The following TRMT11 variants were observed in gnomAD, a reference collection of about 807,000 sequenced individuals.
TRMT11 encodes tRNA methyltransferase 11.
In TRMT11, 53 loss-of-function variants were observed where a neutral mutation model predicts 62.8. That is an observed-to-expected ratio of 0.84 (90% CI 0.68 to 1.06). The LOEUF is 1.06. Among genes scored for constraint, TRMT11 ranks in the 50% least tolerant of loss-of-function variants. The probability of loss-of-function intolerance (pLI) is 0.00; values close to 1 mark genes in which losing one functional copy is unlikely to be tolerated. For missense variants in TRMT11, 556 were observed against 553.4 expected (o/e 1.00, Z -0.05); for synonymous variants, 188 against 190.3 (o/e 0.99, Z 0.10).
chr6:126,026,677 G>C (rs963336266), intron 12 of TRMT11, among the ~76,000 whole-genome samples: 1 of 151,990 alleles, frequency 6.6e-6, no homozygotes, highest in Admixed American at 6.5e-5. Context: ...GAGCCATCGC[G>C]CCCGGCTCTA....
At chr6:126,256,884 G>T in the TRMT11 span, among the ~76,000 whole-genome samples, 2 of 151,494 alleles carry the variant, frequency 1.3e-5, no homozygotes, top group South Asian at 2.1e-4. Flanking sequence ...TTGTTTGTTT[G>T]TTGTTGTTGT....
chr6:126,048,731 C>T (rs1776129945), intron 16 of TRMT11, among the ~76,000 whole-genome samples: 1 of 152,116 alleles, frequency 6.6e-6, no homozygotes, highest in African/African-American at 2.4e-5. Flanking sequence ...TGACTCCTGC[C>T]AAAAGTCGAC....
chr6:126,106,209 T>A (rs2128183386), intron 17 of TRMT11, among the ~76,000 whole-genome samples: 1 of 152,114 alleles, frequency 6.6e-6, no homozygotes, highest in East Asian at 1.9e-4. Context: ...AGTGGTATGA[T>A]CTCAGCTCAC....
chr6:126,206,041 T>C (rs72977833), downstream of TRMT11, among the ~76,000 whole-genome samples: 296 of 152,338 alleles, frequency 1.9e-3, no homozygotes, highest in Non-Finnish European at 3.1e-3. Flanking sequence ...AGGAATGTCC[T>C]CATACTGTCT....
At chr6:126,114,380 G>T (rs1777564988) in intron 18 of TRMT11, among the ~76,000 whole-genome samples, 1 of 152,064 alleles carries the variant, frequency 6.6e-6, no homozygotes, top group Non-Finnish European at 1.5e-5. Context: ...CCAGGAAAAA[G>T]TAGAACAGTG....
intron 17 of TRMT11, among the ~76,000 whole-genome samples, chr6:126,082,453 T>C (rs569000255): frequency 6.6e-6 from 1 of 152,274 alleles, no homozygotes; most frequent in Non-Finnish European, 1.5e-5. Context: ...CTTTGTGTTC[T>C]CTTGTTGGAA....
chr6:126,150,035 T>TAAATTTAATCCCTAATTAAA (rs1202639973), intron 21 of TRMT11, among the ~76,000 whole-genome samples: 3 of 152,208 alleles, frequency 2.0e-5, no homozygotes, highest in African/African-American at 7.2e-5. Flanking sequence ...ATCCCTAATG[T>TAAATTTAATCCCTAATTAAA]TGCGGTATTG....
intron 1 of TRMT11, among the ~76,000 whole-genome samples, chr6:126,191,559 T>A (rs1188302854): frequency 6.6e-6 from 1 of 151,806 alleles, no homozygotes; most frequent in Non-Finnish European, 1.5e-5. Context: ...TGTTTTCTTT[T>A]AATCATATTA....
the TRMT11 span, among the ~76,000 whole-genome samples, chr6:126,265,844 C>T: frequency 6.6e-6 from 1 of 152,112 alleles, no homozygotes. Context: ...ATTTATCATT[C>T]TTCTTCAAGC....
intron 1 of TRMT11, among the ~76,000 whole-genome samples, chr6:126,197,047 G>A (rs1196664854): frequency 2.0e-5 from 3 of 152,170 alleles, no homozygotes; most frequent in African/African-American, 7.2e-5. Flanking sequence ...TTGAGTTTTT[G>A]ATGCCTAAAG....
intron 17 of TRMT11, among the ~76,000 whole-genome samples, chr6:126,093,673 G>T (rs1777308372): frequency 7.6e-6 from 1 of 131,762 alleles, no homozygotes; most frequent in African/African-American, 2.9e-5. Flanking sequence ...GCTGGAACTT[G>T]CTCAAGAGCT....
At chr6:126,219,202 G>GT in the TRMT11 span, among the ~76,000 whole-genome samples, 22 of 151,946 alleles carry the variant, frequency 1.4e-4, no homozygotes, top group Middle Eastern at 3.4e-3. Flanking sequence ...CTATGAAAGT[G>GT]TTTTTTTTGT....
chr6:126,154,034 C>T (rs757849607), intron 21 of TRMT11, among the ~76,000 whole-genome samples: 12 of 152,188 alleles, frequency 7.9e-5, no homozygotes, highest in South Asian at 2.1e-4. Context: ...ATTTATTCCA[C>T]GTTGGTACCA....
intron 12 of TRMT11, among the ~76,000 whole-genome samples, chr6:126,032,334 A>C (rs749193158): frequency 4.6e-5 from 7 of 152,142 alleles, no homozygotes; most frequent in Admixed American, 1.3e-4. Context: ...AATCCTTTAC[A>C]TAACCTTTAT....
At chr6:126,165,250 G>A (rs1474418459) in intron 21 of TRMT11, among the ~76,000 whole-genome samples, 1 of 149,770 alleles carries the variant, frequency 6.7e-6, no homozygotes, top group African/African-American at 2.5e-5. Context: ...CTGTACTCCA[G>A]CCCAGTGATA....
chr6:126,255,714 AT>A, the TRMT11 span, among the ~76,000 whole-genome samples: 4 of 152,150 alleles, frequency 2.6e-5, no homozygotes, highest in Admixed American at 2.0e-4. Flanking sequence ...TGGTGGAAGA[AT>A]TTTTGGGGAA....
chr6:126,081,435 A>G lies in TRMT11; in HGVS notation c.*1437+28245A>G, dbSNP rs150862824. ...AATGTAGGGGACACTGGTCTTCTAC[A>G]TTACGATATTGACTGGCTCTAATAA... On this transcript the variant is annotated intron_variant and NMD_transcript_variant, in intron 17 of 22. Transcript: ENST00000648977. Among the ~76,000 whole-genome samples, 3 of 152,198 alleles carry G rather than the reference A, an allele frequency of 2.0e-5. No individual in the cohort carries two copies. In the South Asian group the frequency reaches 6.2e-4, roughly 31 times the overall value.
intron 1 of TRMT11, 130 bp downstream of exon 1, chr6:125,986,752 G>GCGTCC (rs1394934049): frequency 1.2e-6 from 1 of 854,348 alleles, no homozygotes; most frequent in Non-Finnish European, 1.8e-6. Context: ...CGCGGGTCAC[G>GCGTCC]CGTCCCCAGT....
the TRMT11 span, among the ~76,000 whole-genome samples, chr6:126,246,526 A>T: frequency 6.6e-6 from 1 of 152,334 alleles, no homozygotes; most frequent in East Asian, 1.9e-4. Context: ...GAATGGGTCC[A>T]CCTGCATAAA....
Sources: allele counts gnomAD v4.1 joint callset (sites outside exome capture counted in the v4.1 genomes callset), GRCh38; gene constraint gnomAD v4.1.1; transcripts MANE v1.5; gene names NCBI Gene and HGNC (gene_info 2026-07-23, HGNC 2026-07-21).